The following HACD1 variants were observed in gnomAD, a reference collection of about 807,000 sequenced individuals.
HACD1 encodes the protein very-long-chain (3R)-3-hydroxyacyl-CoA dehydratase 1.
A neutral mutation model predicts 32.0 loss-of-function variants in HACD1; 41 were observed. The ratio of observed to expected loss-of-function variants is 1.28; its 90% CI spans 1.00 to 1.66. The LOEUF is 1.66. Ranked by LOEUF, HACD1 falls within the 40% of genes most tolerant of loss-of-function variation. The pLI is 0.00. For synonymous variants in HACD1, 142 were observed against 139.0 expected (o/e 1.02, Z -0.15); for missense variants, 396 against 380.1 (o/e 1.04, Z -0.35).
At chr10:17,613,497 T>C (rs1833022943) in intron 1 of HACD1, among the ~76,000 whole-genome samples, 1 of 152,184 alleles carries the variant, frequency 6.6e-6, no homozygotes, top group East Asian at 1.9e-4. Context: ...CAGGCTTGCA[T>C]ATCATGCCTA....
At chr10:17,605,846 C>T (rs188319731) in intron 1 of HACD1, among the ~76,000 whole-genome samples, 3 of 151,952 alleles carry the variant, frequency 2.0e-5, no homozygotes, top group South Asian at 2.1e-4. Flanking sequence ...GCCAGCTACT[C>T]GGGAGGCTGA....
At chr10:17,594,853 T>A (rs534156962) in intron 5 of HACD1, among the ~76,000 whole-genome samples, 6 of 150,006 alleles carry the variant, frequency 4.0e-5, no homozygotes, top group African/African-American at 1.5e-4. Context: ...TGGTGTTTTT[T>A]TTTTTTGTTT....
At chr10:17,601,449 T>A (rs1554816514) in intron 4 of HACD1, among the ~76,000 whole-genome samples, 1 of 152,166 alleles carries the variant, frequency 6.6e-6, no homozygotes, top group Admixed American at 6.5e-5. Context: ...TGGGAAACTA[T>A]CGTCAGCAAA....
At chr10:17,616,953 A>T in intron 1 of HACD1, 130 bp downstream of exon 1, 1 of 997,162 alleles carries the variant, frequency 1.0e-6, no homozygotes, top group Non-Finnish European at 1.3e-6. Flanking sequence ...CCGCGGCGAC[A>T]GCTCCCTTCC....
chr10:17,617,335 C>A lies in HACD1; in HGVS notation c.5G>T (p.Gly2Val), dbSNP rs1330602860. M[G>V]RLTEAAAAGS... Reference sequence around the variant, plus strand: ...CGCTGCCGCCGCTTCCGTCAGGCGCCCCATGTGCAGCGCGCAGGGGGCTCG... The same window carrying A: ...CGCTGCCGCCGCTTCCGTCAGGCGCACCATGTGCAGCGCGCAGGGGGCTCG... The change falls in exon 1 of 7, where the codon GGG becomes GTG. Residue 2 changes from glycine (G) to valine (V), a missense_variant. By Grantham distance (109) the Gly-to-Val change is moderately radical. Coordinates refer to ENST00000361271, the MANE Select transcript of HACD1 (RefSeq NM_014241.4). The A allele has an allele frequency of 5.6e-6, 8 of 1,418,174 alleles. No homozygotes were observed. The African/African-American group carries it at 9.0e-5, about 16-fold the overall frequency. 87.8% of individuals were successfully genotyped at this position (1,418,174 alleles called of 1,614,324 possible).
chr10:17,600,365 A>T (rs1834052270), intron 4 of HACD1, among the ~76,000 whole-genome samples: 1 of 152,030 alleles, frequency 6.6e-6, no homozygotes, highest in African/African-American at 2.4e-5. Flanking sequence ...TGTGAGACGG[A>T]GTCTTGCTGT....
At chr10:17,598,340 T>G (rs1468596967) in intron 5 of HACD1, among the ~76,000 whole-genome samples, 1 of 151,364 alleles carries the variant, frequency 6.6e-6, no homozygotes. Context: ...AGATTATAAG[T>G]AATTTAAAAG....
chr10:17,596,483 GAT>G (rs1491560010), intron 5 of HACD1, among the ~76,000 whole-genome samples: 11 of 136,848 alleles, frequency 8.0e-5, no homozygotes, highest in Non-Finnish European at 1.6e-5. Context: ...GTTTTCAAAA[GAT>G]TTTTTTTTTT....
At chr10:17,615,991 G>C (rs930085500) in intron 1 of HACD1, 1 of 252,892 alleles carries the variant, frequency 4.0e-6, no homozygotes, top group African/African-American at 2.4e-5. Flanking sequence ...AATACTGTCA[G>C]GGCGGGATGG....
chr10:17,598,319 C>A lies in HACD1; in HGVS notation c.605+971G>T, dbSNP rs112906574. Among the ~76,000 whole-genome samples, 780 of 150,036 alleles carry A rather than the reference C, an allele frequency of 5.2e-3. 4 individuals are homozygous for A. Among genetic ancestry groups the A allele is most frequent in the Non-Finnish European group, 8.1e-3 (547 of 67,632 alleles). Reference sequence around the variant, plus strand: ...TAAAACACAATTAACAGTGGTTATCCTTGGTTAGAGAGATTATAAGTAATT... The same window carrying A: ...TAAAACACAATTAACAGTGGTTATCATTGGTTAGAGAGATTATAAGTAATT... On this transcript the variant is annotated intron_variant, in intron 5 of 6. Transcript: ENST00000361271.
intron 1 of HACD1, among the ~76,000 whole-genome samples, chr10:17,612,125 A>AAAAAAAAAAAAAAAAAAAAAAAAAAAC (rs1832993329): frequency 7.0e-6 from 1 of 141,978 alleles, no homozygotes. Flanking sequence ...AAAAAAAAAA[A>AAAAAAAAAAAAAAAAAAAAAAAAAAAC]AAAAACCCTA....
chr10:17,595,848 C>G (rs1350836302), intron 5 of HACD1, among the ~76,000 whole-genome samples: 1 of 152,018 alleles, frequency 6.6e-6, no homozygotes, highest in African/African-American at 2.4e-5. Flanking sequence ...GAGCAGACCA[C>G]AGTGGTGCAT....
chr10:17,598,278 A>AAAAAAAAAG (rs370233736), intron 5 of HACD1, among the ~76,000 whole-genome samples: 2 of 146,378 alleles, frequency 1.4e-5, no homozygotes, highest in Non-Finnish European at 3.0e-5. Context: ...AAAAAAAAAA[A>AAAAAAAAAG]AGAGAAAAAA....
At chr10:17,609,890 A>T (rs868968488) in intron 1 of HACD1, among the ~76,000 whole-genome samples, 1 of 151,144 alleles carries the variant, frequency 6.6e-6, no homozygotes, top group South Asian at 2.1e-4. Flanking sequence ...AAGCTGAGGC[A>T]GGAGAATCGT....
intron 1 of HACD1, among the ~76,000 whole-genome samples, chr10:17,610,326 A>G (rs1834215005): frequency 6.6e-6 from 1 of 152,180 alleles, no homozygotes; most frequent in African/African-American, 2.4e-5. Context: ...GTATACTGTG[A>G]AAATATCTTA....
chr10:17,592,008 G>T (rs970194239), intron 6 of HACD1, among the ~76,000 whole-genome samples: 14 of 94,826 alleles, frequency 1.5e-4, no homozygotes, highest in African/African-American at 7.0e-4. Context: ...TTGAGATGGA[G>T]TCTCACTCTG....
At chr10:17,609,214 G>A (rs1347159840) in intron 1 of HACD1, among the ~76,000 whole-genome samples, 1 of 149,432 alleles carries the variant, frequency 6.7e-6, no homozygotes, top group Non-Finnish European at 1.5e-5. Flanking sequence ...AAGTGCAGTG[G>A]CGCGATCTCG....
At chr10:17,599,015 C>T in intron 5 of HACD1, 1 of 397,980 alleles carries the variant, frequency 2.5e-6, no homozygotes, top group Non-Finnish European at 3.8e-6. Context: ...TTGTGCTTTC[C>T]AAAAAAAAAT....
Position 17,617,267 on chromosome 10 carries a change from T to C in HACD1, c.73A>G (p.Thr25Ala), listed in dbSNP as rs1462670039. The C allele has an allele frequency of 6.8e-7, 1 of 1,471,836 alleles. No homozygotes were observed. The allele number at this position is 1,471,836 out of a possible 1,614,324, so 91.2% of individuals were successfully genotyped here. The change falls in exon 1 of 7, where the codon ACG becomes GCG. Residue 25 changes from threonine (T) to alanine (A), a missense_variant. Physicochemically the swap from Thr to Ala is moderately conservative, Grantham distance 58. Coordinates refer to ENST00000361271, the MANE Select transcript of HACD1 (RefSeq NM_014241.4). ...GACGTGGGAGACAGCGGCAGGAGCG[T>C]GGGAGGGGACCCTGCCCAGCCTGCA... ...RAAGWAGSPP[T>A]LLPLSPTSPR...
Sources: allele counts gnomAD v4.1 joint callset (sites outside exome capture counted in the v4.1 genomes callset), GRCh38; gene constraint gnomAD v4.1.1; transcripts MANE v1.5; gene names NCBI Gene and HGNC (gene_info 2026-07-23, HGNC 2026-07-21).